SLC25A48: variants seen among roughly 807,000 people sequenced by gnomAD.
The protein encoded by SLC25A48 is solute carrier family 25 member 48, also known as CTC-321K16.1.
A neutral mutation model predicts 32.2 loss-of-function variants in SLC25A48; 29 were observed. The observed-to-expected ratio is 0.90, with a 90% CI of 0.67 to 1.23. The LOEUF is 1.23. Ranked by LOEUF, SLC25A48 falls within the 50% of genes most tolerant of loss-of-function variation. The pLI is 0.00. For missense variants in SLC25A48, 399 were observed against 422.7 expected, an observed-to-expected ratio of 0.94 and a Z score of 0.49; for synonymous variants, 164 against 172.3, an observed-to-expected ratio of 0.95 and a Z score of 0.38.
chr5:135,727,200 A>C (rs1295011295), intron 3 of SLC25A48, among the ~76,000 whole-genome samples: 1 of 150,534 alleles, frequency 6.6e-6, no homozygotes, highest in Non-Finnish European at 1.5e-5. Context: ...ATATATATAT[A>C]TATACGTGTG....
chr5:135,783,850 G>A (rs1270321616), intron 3 of SLC25A48, among the ~76,000 whole-genome samples: 2 of 117,964 alleles, frequency 1.7e-5, no homozygotes, highest in Admixed American at 8.6e-5. Flanking sequence ...CGCTGGGAGC[G>A]AACACTTTCC....
At position 135,834,842 on chromosome 5, in the gene SLC25A48, C is replaced by A. The variant is rs753275925; in HGVS notation, c.-6C>A. ...GGCTCCGGGAGGGCGAGACCGAGCG[C>A]CGGCCATGGGAAGCTTCCAGCTGGA... On this transcript the variant is annotated 5_prime_UTR_variant, in exon 1 of 8. Coordinates refer to ENST00000681962, the MANE Select transcript of SLC25A48 (RefSeq NM_001349336.2). 10 of 1,595,842 alleles carry A rather than the reference C, an allele frequency of 6.3e-6. No homozygotes were observed. In the East Asian group the frequency reaches 2.3e-4, roughly 36 times the overall value.
intron 3 of SLC25A48, among the ~76,000 whole-genome samples, chr5:135,658,461 G>A (rs1753306870): frequency 6.6e-6 from 1 of 152,204 alleles, no homozygotes; most frequent in Admixed American, 6.5e-5. Flanking sequence ...CTGCTTTCAT[G>A]TGCTGGCATT....
chr5:135,706,801 G>T (rs1416221633), intron 3 of SLC25A48, among the ~76,000 whole-genome samples: 2 of 152,234 alleles, frequency 1.3e-5, no homozygotes, highest in Admixed American at 1.3e-4. Flanking sequence ...TGACAGGCAG[G>T]TCATGACACA....
chr5:135,729,523 TC>T (rs1561466455), intron 3 of SLC25A48, among the ~76,000 whole-genome samples: 27 of 152,242 alleles, frequency 1.8e-4, no homozygotes, highest in Non-Finnish European at 7.3e-5. Flanking sequence ...CCAAGGGTCA[TC>T]TGTAAGTTGT....
chr5:135,627,572 T>G (rs1237638087), intron 1 of SLC25A48, among the ~76,000 whole-genome samples: 2 of 152,064 alleles, frequency 1.3e-5, no homozygotes, highest in Non-Finnish European at 2.9e-5. Flanking sequence ...TTAAAACCCT[T>G]CATTAAAGTA....
intron 3 of SLC25A48, among the ~76,000 whole-genome samples, chr5:135,720,570 AC>A (rs958036560): frequency 1.3e-5 from 2 of 152,230 alleles, no homozygotes; most frequent in African/African-American, 4.8e-5. Flanking sequence ...TGTCACTGAT[AC>A]TAAAGAACCA....
chr5:135,853,858 C>T (rs560250011), intron 4 of SLC25A48, among the ~76,000 whole-genome samples: 1 of 152,152 alleles, frequency 6.6e-6, no homozygotes, highest in East Asian at 1.9e-4. Flanking sequence ...AAATGACTAT[C>T]TATGGCAACT....
chr5:135,773,166 T>C (rs755022266), intron 3 of SLC25A48, among the ~76,000 whole-genome samples: 6 of 151,414 alleles, frequency 4.0e-5, no homozygotes, highest in Admixed American at 4.0e-4. Flanking sequence ...AATATTACTC[T>C]GAATATCGCA....
intron 4 of SLC25A48, among the ~76,000 whole-genome samples, chr5:135,863,271 A>T (rs1760942696): frequency 6.6e-6 from 1 of 152,200 alleles, no homozygotes; most frequent in East Asian, 1.9e-4. Context: ...GGAGCAGGTA[A>T]TCAATCAATG....
chr5:135,771,770 A>T (rs1280179798), intron 3 of SLC25A48, among the ~76,000 whole-genome samples: 1 of 150,708 alleles, frequency 6.6e-6, no homozygotes, highest in East Asian at 2.0e-4. Flanking sequence ...CCAATACGGC[A>T]GTGGGTGTAC....
chr5:135,828,893 C>T (rs1189845464), intron 4 of SLC25A48, among the ~76,000 whole-genome samples: 1 of 152,228 alleles, frequency 6.6e-6, no homozygotes, highest in Non-Finnish European at 1.5e-5. Flanking sequence ...ATTCTCCCAC[C>T]TGGCACTACT....
intron 3 of SLC25A48, among the ~76,000 whole-genome samples, chr5:135,739,262 T>G (rs377559888): frequency 3.9e-5 from 6 of 152,208 alleles, no homozygotes; most frequent in African/African-American, 1.4e-4. Flanking sequence ...GGACTACAAG[T>G]GCTCACCATC....
At chr5:135,672,446 T>C (rs1046563096) in intron 3 of SLC25A48, among the ~76,000 whole-genome samples, 5 of 152,196 alleles carry the variant, frequency 3.3e-5, no homozygotes, top group African/African-American at 1.2e-4. Flanking sequence ...ACAGGTTAAA[T>C]GGCAGGAAGA....
chr5:135,581,592 C>T (rs17168680), intron 1 of SLC25A48, among the ~76,000 whole-genome samples: 6,396 of 152,302 alleles, frequency 0.042, 451 homozygotes, highest in African/African-American at 0.15. Context: ...ACAACACCAG[C>T]GATCGTGGGC....
At chr5:135,846,796 G>A (rs554550495) in intron 2 of SLC25A48, among the ~76,000 whole-genome samples, 28 of 152,182 alleles carry the variant, frequency 1.8e-4, no homozygotes, top group African/African-American at 6.7e-4. Flanking sequence ...TGAGAAAATA[G>A]TATAGTATAT....
At chr5:135,860,887 T>C (rs571246550) in intron 4 of SLC25A48, among the ~76,000 whole-genome samples, 56 of 152,314 alleles carry the variant, frequency 3.7e-4, no homozygotes, top group Admixed American at 9.8e-4. Context: ...CTCTGGCTTC[T>C]TCGCTCTGGT....
Position 135,801,227 on chromosome 5 carries a change from A to G in SLC25A48, c.-520-11296A>G, listed in dbSNP as rs556319571. On this transcript the variant is annotated intron_variant, in intron 3 of 10. Coordinates refer to the SLC25A48 transcript ENST00000646290. ...GGATGATATTACTCCCAATATCACAAGGGGTGTACACCCCCTGTGATATTG... is the reference window on the plus strand; with the variant it reads ...GGATGATATTACTCCCAATATCACAGGGGGTGTACACCCCCTGTGATATTG... Among the ~76,000 whole-genome samples, 26 of 149,048 alleles carry G rather than the reference A, an allele frequency of 1.7e-4. No individual in the cohort carries two copies. In the South Asian group the frequency reaches 3.9e-3, roughly 22 times the overall value.
intron 1 of SLC25A48, among the ~76,000 whole-genome samples, chr5:135,592,760 C>T (rs116263317): frequency 0.014 from 2,095 of 152,106 alleles, 47 homozygotes; most frequent in African/African-American, 0.048. Context: ...AAAGTGAGGG[C>T]GCTGGGAACT....
Sources: allele counts gnomAD v4.1 joint callset (sites outside exome capture counted in the v4.1 genomes callset), GRCh38; gene constraint gnomAD v4.1.1; transcripts MANE v1.5; gene names NCBI Gene and HGNC (gene_info 2026-07-23, HGNC 2026-07-21).